ARHGEF18: variants seen among roughly 807,000 people sequenced by gnomAD.
ARHGEF18 encodes the protein Rho/Rac guanine nucleotide exchange factor 18.
In ARHGEF18, 93 loss-of-function variants were observed where a neutral mutation model predicts 155.7. The ratio of observed to expected loss-of-function variants is 0.60; its 90% CI spans 0.50 to 0.71. The LOEUF is 0.71. ARHGEF18 is among the 30% of genes least tolerant of loss of function. ARHGEF18 has a pLI of 0.00. For missense variants in ARHGEF18, 1,593 were observed against 1,816.1 expected (o/e 0.88, Z 2.23); for synonymous variants, 742 against 753.1 (o/e 0.99, Z 0.24).
At chr19:7,355,958 A>T (rs998867458) in intron 1 of ARHGEF18, among the ~76,000 whole-genome samples, 3 of 152,202 alleles carry the variant, frequency 2.0e-5, no homozygotes, top group Admixed American at 2.0e-4. Context: ...TTGCAGAAAG[A>T]AAGTCCGCCC....
chr19:7,453,189 TC>T (rs1975598273), intron 16 of ARHGEF18, among the ~76,000 whole-genome samples: 1 of 151,700 alleles, frequency 6.6e-6, no homozygotes, highest in African/African-American at 2.4e-5. Flanking sequence ...AGAGCCAGAC[TC>T]CGTCCACCCT....
intron 1 of ARHGEF18, among the ~76,000 whole-genome samples, chr19:7,353,067 C>T (rs77356994): frequency 0.9 from 135,522 of 150,602 alleles, 61,268 homozygotes; most frequent in Non-Finnish European, 0.95. Context: ...AACTCCTGAC[C>T]TCCAGTGAGT....
At position 7,399,723 on chromosome 19, in the gene ARHGEF18, G is replaced by A. The variant is rs140444343; in HGVS notation, c.967+16520G>A. Among the ~76,000 whole-genome samples, 207 of 150,020 alleles carry A rather than the reference G, an allele frequency of 1.4e-3. 2 individuals carry two copies. The highest frequency in any genetic ancestry group is 5.0e-3 in the African/African-American group (202 of 40,500). On this transcript the variant is annotated intron_variant, in intron 10 of 28. Transcript: ENST00000668164. ...TCTCGATTTCCTGACCTCGTGATCC[G>A]CCCACTTCGCCTCCCAAAGTGCTGG...
rs759446709 is a variant in ARHGEF18, at chr19:7,470,227, CCCT to C, written c.4017_4019del (p.Ser1340del). The C allele has an allele frequency of 1.2e-6, 2 of 1,609,094 alleles. No homozygotes were observed. The highest frequency in any genetic ancestry group is 4.5e-5 in the East Asian group (2 of 44,618). On this transcript the variant is annotated inframe_deletion, in exon 29 of 29. Transcript: ENST00000668164. The surrounding 1 kb of genome is among the most constrained non-coding windows in gnomAD (Gnocchi z 5.9). ...AGCCCTCCTGCCCGGGCCCCCAGCT[CCCT>C]CGCCACTGCCGGCCACACCACTCAG...
At chr19:7,446,922 G>T (rs1317312428) in intron 14 of ARHGEF18, 121 bp from the exon 15 acceptor site, 120 of 1,091,126 alleles carry the variant, frequency 1.1e-4, no homozygotes, top group Middle Eastern at 3.3e-4. Flanking sequence ...GAAGAAGAAA[G>T]AAAGAAAATG....
At chr19:7,376,207 C>T (rs745321327) in intron 4 of ARHGEF18, among the ~76,000 whole-genome samples, 18 of 152,120 alleles carry the variant, frequency 1.2e-4, no homozygotes, top group Non-Finnish European at 1.9e-4. Flanking sequence ...GCCCTGCAGC[C>T]GGAAGGCAGC....
chr19:7,460,053 CA>C, intron 20 of ARHGEF18, 59 bp downstream of exon 20: 1 of 1,495,654 alleles, frequency 6.7e-7, no homozygotes. Context: ...GGCCCTCCAT[CA>C]GGACTGGCCA....
intron 10 of ARHGEF18, among the ~76,000 whole-genome samples, chr19:7,386,004 C>G (rs1488665460): frequency 7.6e-6 from 1 of 131,884 alleles, no homozygotes; most frequent in East Asian, 2.3e-4. Flanking sequence ...CTCCCTCTCT[C>G]TTTCTCTCTC....
At chr19:7,429,746 C>G (rs1403495965) in intron 10 of ARHGEF18, among the ~76,000 whole-genome samples, 2 of 152,170 alleles carry the variant, frequency 1.3e-5, no homozygotes, top group Non-Finnish European at 2.9e-5. Context: ...GGCCCACACC[C>G]ATAAGAGGAG....
At chr19:7,464,125 C>T (rs781401693) in intron 22 of ARHGEF18, among the ~76,000 whole-genome samples, 170 bp downstream of exon 22, 46 of 152,170 alleles carry the variant, frequency 3.0e-4, no homozygotes, top group Admixed American at 1.1e-3. Context: ...GCAACCTCTG[C>T]CTCCTGGGTT....
chr19:7,408,852 G>C (rs4804589), intron 10 of ARHGEF18, among the ~76,000 whole-genome samples: 85,775 of 151,860 alleles, frequency 0.56, 26,876 homozygotes, highest in Middle Eastern at 0.77. Flanking sequence ...GACCAGCTTG[G>C]GCAACATAGT....
intron 10 of ARHGEF18, among the ~76,000 whole-genome samples, chr19:7,422,062 T>C (rs571868104): frequency 6.6e-6 from 1 of 152,240 alleles, no homozygotes; most frequent in South Asian, 2.1e-4. Flanking sequence ...CTTTTCACCC[T>C]CTGCCTTCCT....
At chr19:7,375,069 C>T (rs896150221) in intron 3 of ARHGEF18, among the ~76,000 whole-genome samples, 9 of 151,910 alleles carry the variant, frequency 5.9e-5, no homozygotes, top group Admixed American at 2.6e-4. Flanking sequence ...GTGAGGAGTT[C>T]GAGATCAGCC....
intron 1 of ARHGEF18, among the ~76,000 whole-genome samples, chr19:7,350,545 C>A (rs919314996): frequency 1.3e-5 from 2 of 152,244 alleles, no homozygotes; most frequent in East Asian, 3.9e-4. Flanking sequence ...TGCTTCTGGT[C>A]TGGGCTGTCT....
intron 10 of ARHGEF18, among the ~76,000 whole-genome samples, chr19:7,400,211 A>C (rs1483706592): frequency 6.6e-6 from 1 of 152,174 alleles, no homozygotes; most frequent in Non-Finnish European, 1.5e-5. Context: ...GCTTTATTGA[A>C]ATATAATTAG....
At chr19:7,456,075 T>C (rs1160930706) in intron 17 of ARHGEF18, among the ~76,000 whole-genome samples, 2 of 152,188 alleles carry the variant, frequency 1.3e-5, no homozygotes, top group East Asian at 1.9e-4. Flanking sequence ...TGGCCTGACA[T>C]GGGCGGGAGC....
At chr19:7,385,443 CATTATT>C (rs142755963) in intron 10 of ARHGEF18, among the ~76,000 whole-genome samples, 5,264 of 136,606 alleles carry the variant, frequency 0.039, 189 homozygotes, top group African/African-American at 0.099. Flanking sequence ...CTGGGAACTT[CATTATT>C]ATTATTATTA....
In ARHGEF18 at chr19:7,362,886, C is replaced by T; in HGVS notation, c.-5C>T. On this transcript the variant is annotated 5_prime_UTR_variant, in exon 2 of 29. Transcript: ENST00000668164. Reference sequence around the variant, plus strand: ...AAACCTGAGAACCCAGACTTCTTCTCTGCCATGGGGGATGATCAGGCAGGT... The same window carrying T: ...AAACCTGAGAACCCAGACTTCTTCTTTGCCATGGGGGATGATCAGGCAGGT... 1 of 1,234,372 alleles carries T rather than the reference C, an allele frequency of 8.1e-7. No homozygotes were observed. Among genetic ancestry groups the T allele is most frequent in the African/African-American group, 1.5e-5 (1 of 64,622 alleles). The allele number at this position is 1,234,372 out of a possible 1,614,324, so 76.5% of individuals were successfully genotyped here.
intron 10 of ARHGEF18, among the ~76,000 whole-genome samples, chr19:7,412,594 T>C (rs1217642823): frequency 3.3e-5 from 5 of 151,538 alleles, no homozygotes; most frequent in Admixed American, 2.0e-4. Flanking sequence ...ATACATAAAG[T>C]AGCCGGGCGT....
Sources: gnomAD v4.1 joint callset for allele counts (sites outside exome capture counted in the v4.1 genomes callset) on GRCh38, gnomAD v4.1.1 for gene constraint, Gnocchi (gnomAD v3.1) non-coding constraint, MANE v1.5 for transcripts, NCBI Gene and HGNC (gene_info 2026-07-23, HGNC 2026-07-21) for gene names.